The following ROBO2 variants were observed in gnomAD, a reference collection of about 807,000 sequenced individuals.
ROBO2 encodes roundabout guidance receptor 2.
A neutral mutation model predicts 160.8 loss-of-function variants in ROBO2; 53 were observed. The observed-to-expected ratio is 0.33, with a 90% CI of 0.26 to 0.41. The LOEUF is 0.41. Ranked by LOEUF, ROBO2 falls within the 10% of genes least tolerant of loss-of-function variation. ROBO2 has a pLI of 1.00. For missense variants in ROBO2, 1,577 were observed against 1,722.4 expected, an observed-to-expected ratio of 0.92 and a Z score of 1.49; for synonymous variants, 664 against 611.7, an observed-to-expected ratio of 1.09 and a Z score of -1.26.
intron 2 of ROBO2, among the ~76,000 whole-genome samples, chr3:76,468,329 C>T (rs1380329903): frequency 6.6e-6 from 1 of 152,144 alleles, no homozygotes; most frequent in Non-Finnish European, 1.5e-5. Flanking sequence ...TATATGGACA[C>T]TGGCAATTAA....
At chr3:76,116,087 G>A (rs1392659210) in intron 2 of ROBO2, among the ~76,000 whole-genome samples, 1 of 152,128 alleles carries the variant, frequency 6.6e-6, no homozygotes, top group African/African-American at 2.4e-5. Flanking sequence ...GTCTAGCATG[G>A]ACTCTAGAGC....
chr3:77,125,190 A>T (rs546100673), intron 2 of ROBO2, among the ~76,000 whole-genome samples: 3 of 152,244 alleles, frequency 2.0e-5, no homozygotes, highest in Admixed American at 2.0e-4. Flanking sequence ...AGATATTCAC[A>T]CTTAGTGGAA....
intron 2 of ROBO2, among the ~76,000 whole-genome samples, chr3:77,267,176 C>G (rs918135124): frequency 6.6e-6 from 1 of 152,142 alleles, no homozygotes; most frequent in Non-Finnish European, 1.5e-5. Context: ...TACTTGCAAT[C>G]TAGTTTGTAT....
intron 2 of ROBO2, among the ~76,000 whole-genome samples, chr3:76,822,709 G>A (rs1559557852): frequency 1.3e-5 from 2 of 151,544 alleles, no homozygotes; most frequent in African/African-American, 4.8e-5. Flanking sequence ...GGTATAAAGT[G>A]TGGTAGATTA....
chr3:76,814,197 AGACT>A (rs1449878368), intron 2 of ROBO2, among the ~76,000 whole-genome samples: 3 of 152,176 alleles, frequency 2.0e-5, no homozygotes, highest in Non-Finnish European at 4.4e-5. Context: ...AAATCAAAAT[AGACT>A]GACTGTTTCA....
At chr3:77,565,704 G>A (rs554902998) in intron 12 of ROBO2, among the ~76,000 whole-genome samples, 6 of 152,176 alleles carry the variant, frequency 3.9e-5, no homozygotes, top group South Asian at 2.1e-4. Flanking sequence ...AGTGAATTTC[G>A]TTAAATCAGA....
chr3:77,540,236 A>C (rs2092394468), intron 6 of ROBO2, among the ~76,000 whole-genome samples: 1 of 152,236 alleles, frequency 6.6e-6, no homozygotes, highest in South Asian at 2.1e-4. Context: ...TAATAAAAAC[A>C]ATCATTCAGA....
At chr3:77,098,273 C>T (rs1560002691) in exon 2 of ROBO2, 1 of 1,614,178 alleles carries the variant, frequency 6.2e-7, no homozygotes, top group Non-Finnish European at 8.5e-7. Flanking sequence ...ATGAAGGAAG[C>T]TACGTTTGTG....
chr3:76,850,852 G>A (rs1417181831), intron 2 of ROBO2, among the ~76,000 whole-genome samples: 1 of 152,128 alleles, frequency 6.6e-6, no homozygotes, highest in Middle Eastern at 3.2e-3. Flanking sequence ...GAGAATAAAG[G>A]CACCTAAGCT....
intron 2 of ROBO2, among the ~76,000 whole-genome samples, chr3:76,298,711 A>G (rs1219817042): frequency 6.6e-6 from 1 of 152,224 alleles, no homozygotes; most frequent in Non-Finnish European, 1.5e-5. Context: ...ACTGAGACAG[A>G]AAATAATTAA....
intron 2 of ROBO2, among the ~76,000 whole-genome samples, chr3:76,869,819 C>T (rs2071835064): frequency 6.6e-6 from 1 of 152,100 alleles, no homozygotes; most frequent in Admixed American, 6.5e-5. Context: ...AGACCATACA[C>T]TGAGAGCAAA....
At chr3:77,169,881 C>A (rs2079461234) in intron 2 of ROBO2, among the ~76,000 whole-genome samples, 3 of 152,172 alleles carry the variant, frequency 2.0e-5, no homozygotes, top group Admixed American at 2.0e-4. Flanking sequence ...TGAGCCTCCC[C>A]ACTGTGGTCG....
intron 2 of ROBO2, among the ~76,000 whole-genome samples, chr3:76,664,086 T>C (rs2091929863): frequency 6.6e-6 from 1 of 152,130 alleles, no homozygotes; most frequent in Non-Finnish European, 1.5e-5. Context: ...ATAGGCTATT[T>C]CCCTATGGGG....
intron 2 of ROBO2, among the ~76,000 whole-genome samples, chr3:76,888,110 G>A (rs2074051353): frequency 2.0e-5 from 3 of 152,176 alleles, no homozygotes; most frequent in Non-Finnish European, 4.4e-5. Context: ...GCTCACACCT[G>A]TAATCCCAGC....
chr3:76,892,853 G>A (rs1370365618), intron 2 of ROBO2, among the ~76,000 whole-genome samples: 1 of 152,036 alleles, frequency 6.6e-6, no homozygotes, highest in Non-Finnish European at 1.5e-5. Flanking sequence ...AAACCTATAA[G>A]ACGTCCTTTC....
chr3:76,909,580 A>C (rs1211123133), intron 2 of ROBO2, among the ~76,000 whole-genome samples: 1 of 152,220 alleles, frequency 6.6e-6, no homozygotes, highest in East Asian at 1.9e-4. Flanking sequence ...TTTTTCAAAA[A>C]GAATTTAACC....
intron 2 of ROBO2, among the ~76,000 whole-genome samples, chr3:76,123,693 C>T (rs1469861365): frequency 6.6e-6 from 1 of 152,084 alleles, no homozygotes; most frequent in Non-Finnish European, 1.5e-5. Context: ...GAGTTTTCTT[C>T]TCTTGTGCCC....
chr3:77,340,715 C>T (rs139242351), intron 2 of ROBO2, among the ~76,000 whole-genome samples: 2 of 152,178 alleles, frequency 1.3e-5, no homozygotes, highest in African/African-American at 2.4e-5. Context: ...TTTAAAGCAG[C>T]TTGGTCATAT....
intron 1 of ROBO2, among the ~76,000 whole-genome samples, chr3:75,916,007 TTATC>T (rs1203460071): frequency 5.3e-5 from 8 of 152,206 alleles, no homozygotes; most frequent in Non-Finnish European, 4.4e-5. Context: ...TTTTTCATCT[TTATC>T]TATAGAGCTG....
Sources: allele counts gnomAD v4.1 joint callset (sites outside exome capture counted in the v4.1 genomes callset), GRCh38; gene constraint gnomAD v4.1.1; transcripts MANE v1.5; gene names NCBI Gene and HGNC (gene_info 2026-07-23, HGNC 2026-07-21).